HECW1: variants seen among roughly 807,000 people sequenced by gnomAD.
The protein encoded by HECW1 is HECT, C2 and WW domain containing E3 ubiquitin protein ligase 1.
HECW1 carries 61 observed loss-of-function variants against 182.3 expected under a neutral mutation model. The ratio of observed to expected loss-of-function variants is 0.33; its 90% CI spans 0.27 to 0.41. The LOEUF is 0.41. Among genes scored for constraint, HECW1 ranks in the 10% least tolerant of loss-of-function variants. The probability of loss-of-function intolerance (pLI) is 1.00; values close to 1 mark genes in which losing one functional copy is unlikely to be tolerated. For missense variants in HECW1, 1,739 were observed against 2,108.9 expected (o/e 0.82, Z 3.44); for synonymous variants, 859 against 832.6 (o/e 1.03, Z -0.55).
intron 8 of HECW1, among the ~76,000 whole-genome samples, chr7:43,428,061 A>G (rs1399958028): frequency 1.3e-5 from 2 of 152,214 alleles, no homozygotes; most frequent in Non-Finnish European, 2.9e-5. Flanking sequence ...AGGGGATTAT[A>G]CAGAGTGTGT....
chr7:43,523,723 T>C (rs527253549), intron 24 of HECW1, among the ~76,000 whole-genome samples: 16 of 149,092 alleles, frequency 1.1e-4, no homozygotes, highest in African/African-American at 4.0e-4. Flanking sequence ...TACTTACTAA[T>C]GAGAGAGGCG....
chr7:43,311,549 G>A (rs1254413246), intron 3 of HECW1: 3 of 745,742 alleles, frequency 4.0e-6, no homozygotes, highest in East Asian at 5.0e-5. Context: ...GGACACCCTG[G>A]TGCACTTGTG....
intron 2 of HECW1, among the ~76,000 whole-genome samples, chr7:43,170,365 C>T (rs748230467): frequency 6.6e-6 from 1 of 152,184 alleles, no homozygotes; most frequent in Non-Finnish European, 1.5e-5. Flanking sequence ...TCCCCCACCC[C>T]TGTCTGTGGA....
Position 43,565,202 on chromosome 7 carries a change from A to G in HECW1, c.*3276A>G. 1 of 202,248 alleles carries G rather than the reference A, an allele frequency of 4.9e-6. No individual in the cohort carries two copies. Among genetic ancestry groups the G allele is most frequent in the Non-Finnish European group, 1.0e-5 (1 of 98,270 alleles). 12.5% of individuals were successfully genotyped at this position (202,248 alleles called of 1,614,324 possible). On this transcript the variant is annotated 3_prime_UTR_variant, in exon 30 of 30. Transcript: ENST00000395891. ...ATTCTAAATCTACTGAACTCTTTGT[A>G]ATTTCCTATGTATATAAATGAGTGG...
intron 29 of HECW1, among the ~76,000 whole-genome samples, chr7:43,558,686 C>G (rs1023031119): frequency 3.9e-5 from 6 of 152,124 alleles, no homozygotes; most frequent in Non-Finnish European, 1.5e-5. Context: ...AAATGCTGCT[C>G]TCTAGTACCT....
At chr7:43,388,277 T>G (rs2152832449) in intron 6 of HECW1, among the ~76,000 whole-genome samples, 1 of 152,354 alleles carries the variant, frequency 6.6e-6, no homozygotes, top group Non-Finnish European at 1.5e-5. Flanking sequence ...GAATAAAACA[T>G]GACTTGGTTA....
rs368719054 is a variant in HECW1, at chr7:43,129,005, G to C, written c.-32+14614G>C. Among the ~76,000 whole-genome samples the C allele has an allele frequency of 4.7e-4, 72 of 152,292 alleles. 1 individual carries two copies. In the South Asian group the frequency reaches 0.013, roughly 27 times the overall value. ...AACAGATGAGGAGTTGCTTCTTATG[G>C]ATGAGCAAGGAAAGTGATTTCTTGA... is the stretch of plus-strand genomic sequence containing the variant. On this transcript the variant is annotated intron_variant, in intron 2 of 29. Transcript: ENST00000395891.
chr7:43,319,380 C>G (rs545984228), intron 4 of HECW1, among the ~76,000 whole-genome samples: 15 of 74,906 alleles, frequency 2.0e-4, no homozygotes, highest in East Asian at 1.6e-3. Flanking sequence ...GGCGACAGAG[C>G]GAGACTCCGT....
At chr7:43,245,176 A>G (rs1173534785) in intron 3 of HECW1, among the ~76,000 whole-genome samples, 1 of 152,238 alleles carries the variant, frequency 6.6e-6, no homozygotes, top group African/African-American at 2.4e-5. Flanking sequence ...CTCCTTGAGT[A>G]TCCCAGCTTG....
intron 19 of HECW1, among the ~76,000 whole-genome samples, chr7:43,497,188 A>C (rs1472010360): frequency 1.3e-5 from 2 of 152,172 alleles, no homozygotes; most frequent in Non-Finnish European, 2.9e-5. Context: ...CTGAAGGATG[A>C]GAAGGCATTG....
At chr7:43,145,854 G>A (rs956150721) in intron 2 of HECW1, among the ~76,000 whole-genome samples, 4 of 152,148 alleles carry the variant, frequency 2.6e-5, no homozygotes, top group South Asian at 2.1e-4. Flanking sequence ...AATAATAACA[G>A]AGTGGAAGTT....
intron 3 of HECW1, among the ~76,000 whole-genome samples, chr7:43,307,561 A>G (rs890289812): frequency 6.6e-6 from 1 of 152,142 alleles, no homozygotes; most frequent in Non-Finnish European, 1.5e-5. Flanking sequence ...CCTTTTATCC[A>G]GGGCTATTTA....
intron 2 of HECW1, among the ~76,000 whole-genome samples, chr7:43,208,959 T>G (rs1024330663): frequency 6.6e-6 from 1 of 152,218 alleles, no homozygotes; most frequent in African/African-American, 2.4e-5. Context: ...CAAGTCACCC[T>G]GGCTTTTAGA....
intron 2 of HECW1, among the ~76,000 whole-genome samples, chr7:43,188,204 C>CAA (rs1230919299): frequency 6.6e-6 from 1 of 152,164 alleles, no homozygotes; most frequent in African/African-American, 2.4e-5. Context: ...GATGCCTGTA[C>CAA]AATACTCTGG....
chr7:43,237,436 C>A (rs1798479322), intron 2 of HECW1, among the ~76,000 whole-genome samples: 3 of 152,138 alleles, frequency 2.0e-5, no homozygotes, highest in African/African-American at 7.2e-5. Context: ...GCAGAGTGGA[C>A]CACTGAGCAT....
chr7:43,242,682 C>T lies in HECW1; in HGVS notation c.-31-1193C>T, dbSNP rs150149208. On this transcript the variant is annotated intron_variant, in intron 2 of 29. Transcript: ENST00000395891. Reference sequence around the variant, plus strand: ...ACTAAGGCCAGAGGCAGGGACATGGCCCTAGTGTGTTCCTTCTTGCGTCTT... The same window carrying T: ...ACTAAGGCCAGAGGCAGGGACATGGTCCTAGTGTGTTCCTTCTTGCGTCTT... 5.3e-5 allele frequency among the ~76,000 whole-genome samples: 8 copies of T among 152,242 alleles called. 1 individual carries two copies. The East Asian group carries it at 1.5e-3, about 29-fold the overall frequency.
intron 5 of HECW1, among the ~76,000 whole-genome samples, chr7:43,341,234 A>C (rs1812945848): frequency 6.6e-6 from 1 of 151,512 alleles, no homozygotes; most frequent in Non-Finnish European, 1.5e-5. Flanking sequence ...GGGTGCAGCA[A>C]ACTAACATTG....
At chr7:43,436,305 T>G (rs1007858643) in intron 8 of HECW1, among the ~76,000 whole-genome samples, 1 of 152,166 alleles carries the variant, frequency 6.6e-6, no homozygotes, top group African/African-American at 2.4e-5. Flanking sequence ...TCTTCCCAGG[T>G]AGTTTGGGCT....
chr7:43,148,442 C>T lies in HECW1; in HGVS notation c.-32+34051C>T, dbSNP rs116634976. Among the ~76,000 whole-genome samples the T allele has an allele frequency of 7.1e-3, 1,073 of 151,656 alleles. 11 individuals carry two copies. The highest frequency in any genetic ancestry group is 0.025 in the African/African-American group (1,028 of 41,286). On this transcript the variant is annotated intron_variant, in intron 2 of 29. Transcript: ENST00000395891. ...GCCTGCATGTCTCTGTGTCCTCATG[C>T]CCAAGCCATTCTGCCAGATGCTTTC... is the stretch of plus-strand genomic sequence containing the variant.
Sources: gnomAD v4.1 joint callset for allele counts (sites outside exome capture counted in the v4.1 genomes callset) on GRCh38, gnomAD v4.1.1 for gene constraint, MANE v1.5 for transcripts, NCBI Gene and HGNC (gene_info 2026-07-23, HGNC 2026-07-21) for gene names.